Variants in UCK2 observed in about 807,000 individuals in gnomAD.
UCK2 encodes the protein cytidine monophosphokinase 2.
UCK2 carries 6 observed loss-of-function variants against 30.8 expected under a neutral mutation model. That is an observed-to-expected ratio of 0.19 (90% confidence interval 0.11 to 0.38). The LOEUF (loss-of-function observed/expected upper bound fraction) is 0.38. Ranked by LOEUF, UCK2 falls within the 10% of genes least tolerant of loss-of-function variation. The pLI is 1.00. For synonymous variants in UCK2, 125 were observed against 133.6 expected, an observed-to-expected ratio of 0.94 and a Z score of 0.45; for missense variants, 210 against 339.8, an observed-to-expected ratio of 0.62 and a Z score of 3.00.
chr1:165,902,535 A>T (rs1647511531), intron 4 of UCK2: 1 of 144,992 alleles, frequency 6.9e-6, no homozygotes, highest in Non-Finnish European at 1.5e-5. Context: ...TTTGGGCTTC[A>T]TCTCAGCCCC....
chr1:165,906,022 C>A, intron 6 of UCK2, 53 bp downstream of exon 6: 1 of 1,567,362 alleles, frequency 6.4e-7, no homozygotes, highest in South Asian at 1.1e-5. Flanking sequence ...CTTTGTCAGT[C>A]ATAATTTGGG....
At chr1:165,832,940 C>A (rs1654088667) in intron 1 of UCK2, among the ~76,000 whole-genome samples, 2 of 152,044 alleles carry the variant, frequency 1.3e-5, no homozygotes, top group Admixed American at 1.3e-4. Flanking sequence ...CAAGCAGTGG[C>A]CTCTTCGTGT....
chr1:165,880,566 G>GTGTGTGTGT (rs1557843943), intron 1 of UCK2, among the ~76,000 whole-genome samples: 20 of 19,356 alleles, frequency 1.0e-3, no homozygotes, highest in East Asian at 4.8e-3. Flanking sequence ...TTTTTTTGGG[G>GTGTGTGTGT]GTGTGTGTGT....
intron 1 of UCK2, among the ~76,000 whole-genome samples, chr1:165,853,643 G>T (rs1403137578): frequency 6.6e-6 from 1 of 151,912 alleles, no homozygotes; most frequent in African/African-American, 2.4e-5. Flanking sequence ...GTATTTCATA[G>T]AGTGTTCCTC....
At chr1:165,897,485 T>C (rs1163297661) in intron 4 of UCK2, among the ~76,000 whole-genome samples, 1 of 151,720 alleles carries the variant, frequency 6.6e-6, no homozygotes, top group Non-Finnish European at 1.5e-5. Context: ...GGCGACTGAA[T>C]AGAGGAATGA....
At chr1:165,868,069 C>G (rs1655092226) in intron 1 of UCK2, among the ~76,000 whole-genome samples, 1 of 152,210 alleles carries the variant, frequency 6.6e-6, no homozygotes, top group Admixed American at 6.5e-5. Flanking sequence ...CCTTGTACAT[C>G]TCCATCAGAG....
At chr1:165,833,439 G>A (rs1255014094) in intron 1 of UCK2, among the ~76,000 whole-genome samples, 1 of 152,050 alleles carries the variant, frequency 6.6e-6, no homozygotes, top group East Asian at 1.9e-4. Flanking sequence ...CTAGCACGAT[G>A]TCTGGTAGAA....
At chr1:165,862,707 C>T (rs1182055521) in intron 1 of UCK2, among the ~76,000 whole-genome samples, 4 of 152,148 alleles carry the variant, frequency 2.6e-5, no homozygotes, top group African/African-American at 9.7e-5. Context: ...TTTCAGCCCA[C>T]AGGTCTTATG....
At chr1:165,906,941 T>C (rs1313228165) in intron 6 of UCK2, among the ~76,000 whole-genome samples, 1 of 152,258 alleles carries the variant, frequency 6.6e-6, no homozygotes, top group African/African-American at 2.4e-5. Context: ...ACCATTGATA[T>C]GACCTCTTTT....
At chr1:165,887,033 T>C (rs1168901998) in intron 1 of UCK2, among the ~76,000 whole-genome samples, 1 of 152,240 alleles carries the variant, frequency 6.6e-6, no homozygotes, top group Non-Finnish European at 1.5e-5. Flanking sequence ...GCCTTGGGAC[T>C]TCTTACTATC....
chr1:165,882,500 G>T (rs1366482993), intron 1 of UCK2, among the ~76,000 whole-genome samples: 1 of 152,178 alleles, frequency 6.6e-6, no homozygotes. Context: ...ACCTGACACT[G>T]TGTGATTCAT....
chr1:165,887,800 C>G (rs1187308517), intron 1 of UCK2, among the ~76,000 whole-genome samples: 1 of 152,058 alleles, frequency 6.6e-6, no homozygotes, highest in African/African-American at 2.4e-5. Flanking sequence ...CTGTAGCACC[C>G]AGAGAGCCTT....
At chr1:165,851,003 A>G (rs913079167) in intron 1 of UCK2, among the ~76,000 whole-genome samples, 16 of 143,610 alleles carry the variant, frequency 1.1e-4, no homozygotes, top group Admixed American at 5.1e-4. Flanking sequence ...GGCTCAAGCA[A>G]TCCTCCCCCT....
At chr1:165,884,832 C>A (rs1655580039) in intron 1 of UCK2, among the ~76,000 whole-genome samples, 1 of 152,164 alleles carries the variant, frequency 6.6e-6, no homozygotes, top group Non-Finnish European at 1.5e-5. Context: ...GCCGAAGGGG[C>A]CTGTTGATGA....
At chr1:165,873,609 T>A (rs1345802298) in intron 1 of UCK2, among the ~76,000 whole-genome samples, 1 of 152,224 alleles carries the variant, frequency 6.6e-6, no homozygotes, top group Non-Finnish European at 1.5e-5. Flanking sequence ...CGTTGGGCTG[T>A]CGTAGTTCAT....
At chr1:165,889,707 T>A (rs866363700) in intron 1 of UCK2, among the ~76,000 whole-genome samples, 106 of 150,374 alleles carry the variant, frequency 7.0e-4, no homozygotes, top group African/African-American at 2.3e-3. Context: ...TTTTTTTTTT[T>A]AATTTAACTT....
intron 1 of UCK2, among the ~76,000 whole-genome samples, chr1:165,883,676 G>T (rs779512334): frequency 6.6e-6 from 1 of 152,156 alleles, no homozygotes; most frequent in Non-Finnish European, 1.5e-5. Flanking sequence ...CTCCTAGTCA[G>T]CAATGCATGG....
At chr1:165,830,330 ATT>A (rs55852320) in intron 1 of UCK2, among the ~76,000 whole-genome samples, 35 of 138,646 alleles carry the variant, frequency 2.5e-4, no homozygotes, top group Middle Eastern at 3.9e-3. Flanking sequence ...TTTTTTTATT[ATT>A]TTTTTTTTTT....
chr1:165,893,476 T>G (rs1332097395), intron 3 of UCK2, among the ~76,000 whole-genome samples: 1 of 152,176 alleles, frequency 6.6e-6, no homozygotes, highest in African/African-American at 2.4e-5. Context: ...CCATTCAGGG[T>G]TAACTGATTC....
Sources: allele counts gnomAD v4.1 joint callset (sites outside exome capture counted in the v4.1 genomes callset), GRCh38; gene constraint gnomAD v4.1.1; transcripts MANE v1.5; gene names NCBI Gene and HGNC (gene_info 2026-07-23, HGNC 2026-07-21).